SLC9A7: variants seen among roughly 807,000 people sequenced by gnomAD.
SLC9A7 encodes solute carrier family 9 member A7.
SLC9A7 carries 19 observed loss-of-function variants against 52.6 expected under a neutral mutation model. The observed-to-expected ratio is 0.36, with a 90% CI of 0.25 to 0.53. SLC9A7 has a LOEUF of 0.53. SLC9A7 is among the 20% of genes least tolerant of loss of function. SLC9A7 has a pLI of 0.91. For missense variants in SLC9A7, 455 were observed against 597.9 expected, an observed-to-expected ratio of 0.76 and a Z score of 2.49; for synonymous variants, 226 against 252.1, an observed-to-expected ratio of 0.90 and a Z score of 0.98.
chrX:46,619,394 C>T (rs1329339365), intron 15 of SLC9A7, among the ~76,000 whole-genome samples: 3 of 111,436 alleles, frequency 2.7e-5, no homozygotes, highest in African/African-American at 9.8e-5. Context: ...AGCAATGTTA[C>T]TCCTGGGTAG....
intron 1 of SLC9A7, among the ~76,000 whole-genome samples, chrX:46,741,980 C>T (rs1921385361): frequency 4.5e-5 from 5 of 111,429 alleles, no homozygotes; most frequent in Admixed American, 3.8e-4. Flanking sequence ...GGGCAAAAGA[C>T]TCAGTCATTT....
chrX:46,621,030 C>T lies in SLC9A7; in HGVS notation c.1770G>A (p.Arg590=). ...ATATCCATGCGCTCTCCTGTTTTGTCCGGTTTCCTCTGGCAGAATCTGGGC... is the reference window on the plus strand; with the variant it reads ...ATATCCATGCGCTCTCCTGTTTTGTTCGGTTTCCTCTGGCAGAATCTGGGC... The part of the protein sequence containing the change: ...GDGPDSARGN[R]TKQESAWIFR... Residue 590 remains arginine (R), a synonymous_variant, in exon 15 of 17, where the codon CGG becomes CGA. Transcript: ENST00000616978. 1 of 1,206,777 alleles carries T rather than the reference C, an allele frequency of 8.3e-7. No individual in the cohort carries two copies.
chrX:46,712,820 G>A (rs1158629458), intron 1 of SLC9A7, among the ~76,000 whole-genome samples: 2 of 112,034 alleles, frequency 1.8e-5, no homozygotes, highest in African/African-American at 6.5e-5. Flanking sequence ...AGTCACATCT[G>A]GGGAAATGTT....
intron 1 of SLC9A7, among the ~76,000 whole-genome samples, chrX:46,696,573 A>C (rs1028080617): frequency 3.6e-5 from 4 of 111,699 alleles, no homozygotes; most frequent in Admixed American, 9.5e-5. Context: ...ATTTATTTAT[A>C]TATTGATGAA....
intron 1 of SLC9A7, among the ~76,000 whole-genome samples, chrX:46,724,523 TATAA>T (rs1245949280): frequency 8.9e-6 from 1 of 112,270 alleles, no homozygotes; most frequent in East Asian, 2.8e-4. Context: ...ATTTATTGAG[TATAA>T]ATAAATGTCC....
chrX:46,672,794 C>A (rs757795047), intron 3 of SLC9A7, among the ~76,000 whole-genome samples, 167 bp from the exon 4 acceptor site: 6 of 112,363 alleles, frequency 5.3e-5, no homozygotes, highest in Non-Finnish European at 1.1e-4. Context: ...CCTTAGACAT[C>A]ATGGTTTTAA....
chrX:46,744,108 C>T (rs1407304825), intron 1 of SLC9A7, among the ~76,000 whole-genome samples: 1 of 112,628 alleles, frequency 8.9e-6, no homozygotes, highest in Non-Finnish European at 1.9e-5. Flanking sequence ...CCACGGTTAC[C>T]TCTTGACCAA....
At chrX:46,708,207 C>T (rs1944633688) in intron 1 of SLC9A7, among the ~76,000 whole-genome samples, 1 of 111,589 alleles carries the variant, frequency 9.0e-6, no homozygotes, top group Non-Finnish European at 1.9e-5. Flanking sequence ...GTGGAAATAA[C>T]AAATAGGGAC....
At chrX:46,627,778 T>TGGGGG (rs11362478) in intron 14 of SLC9A7, among the ~76,000 whole-genome samples, 1 of 63,110 alleles carries the variant, frequency 1.6e-5, no homozygotes, top group Non-Finnish European at 3.0e-5. Flanking sequence ...ATGGGCGGGT[T>TGGGGG]GGGGGGGGGG....
At position 46,758,687 on chromosome X, in the gene SLC9A7, T is replaced by TGTG; in HGVS notation, c.325+17_325+18insCAC. On this transcript the variant is annotated intron_variant, in intron 1 of 16. Coordinates refer to ENST00000616978, the MANE Select transcript of SLC9A7 (RefSeq NM_001257291.2). ...GCCGAGGGGTGTGGAGGGCGGGGGG[T>TGTG]GTAACAGGGGTGCTCACCATAGATC... 1 of 1,077,243 alleles carries TGTG rather than the reference T, an allele frequency of 9.3e-7. No individual in the cohort carries two copies. Among genetic ancestry groups the TGTG allele is most frequent in the Non-Finnish European group, 1.2e-6 (1 of 815,879 alleles). 88.8% of individuals were successfully genotyped at this position (1,077,243 alleles called of 1,213,427 possible). A position where few individuals can be genotyped will look rare whatever the true frequency, so the allele number is the denominator to read the frequency against.
At chrX:46,755,166 G>A (rs964927763) in intron 1 of SLC9A7, among the ~76,000 whole-genome samples, 8 of 112,231 alleles carry the variant, frequency 7.1e-5, no homozygotes, top group African/African-American at 9.7e-5. Flanking sequence ...CTGTTTAAAC[G>A]TTAAGCATTC....
chrX:46,678,636 T>C (rs1253142884), intron 3 of SLC9A7, among the ~76,000 whole-genome samples: 3 of 109,421 alleles, frequency 2.7e-5, no homozygotes, highest in Non-Finnish European at 5.7e-5. Context: ...AGGGTCTTGC[T>C]ATGTTGCCCA....
chrX:46,627,937 T>G (rs1411474239), intron 14 of SLC9A7, among the ~76,000 whole-genome samples: 1 of 111,624 alleles, frequency 9.0e-6, no homozygotes, highest in East Asian at 2.8e-4. Context: ...AAACAAATGA[T>G]TCTAACTTGC....
chrX:46,601,409 A>G lies in SLC9A7; in HGVS notation c.*5543T>C, dbSNP rs773479223. ...GAGATAGGATGATGGGATGACGTCA[A>G]ACAGACCAACAGACCTCTATTTTGG... is the stretch of plus-strand genomic sequence containing the variant. On this transcript the variant is annotated 3_prime_UTR_variant, in exon 17 of 17. Coordinates refer to ENST00000616978, the MANE Select transcript of SLC9A7 (RefSeq NM_001257291.2). The G allele has an allele frequency of 8.9e-6, 1 of 112,706 alleles. No individual in the cohort carries two copies. Among genetic ancestry groups the G allele is most frequent in the East Asian group, 2.8e-4 (1 of 3,602 alleles). 9.3% of individuals were successfully genotyped at this position (112,706 alleles called of 1,213,427 possible).
Position 46,603,880 on chromosome X carries a change from C to A in SLC9A7, c.*3072G>T, listed in dbSNP as rs1409551644. The A allele has an allele frequency of 1.8e-5, 2 of 111,704 alleles. No individual in the cohort carries two copies. The highest frequency in any genetic ancestry group is 6.5e-5 in the African/African-American group (2 of 30,688). 9.2% of individuals were successfully genotyped at this position (111,704 alleles called of 1,213,427 possible). A position where few individuals can be genotyped will look rare whatever the true frequency, so the allele number is the denominator to read the frequency against. On this transcript the variant is annotated 3_prime_UTR_variant, in exon 17 of 17. Transcript: ENST00000616978. The stretch of plus-strand genomic sequence containing the variant: ...AAACAAAAAACAAACAACAACAACA[C>A]AACAACAAAGCCTTGAGGTGAACAA...
intron 1 of SLC9A7, among the ~76,000 whole-genome samples, chrX:46,714,853 G>A (rs1311059896): frequency 8.9e-6 from 1 of 111,769 alleles, no homozygotes; most frequent in Non-Finnish European, 1.9e-5. Flanking sequence ...GTAGAGGATT[G>A]TGAGTTTAGA....
chrX:46,688,297 A>G (rs921540746), intron 1 of SLC9A7, among the ~76,000 whole-genome samples: 3 of 111,703 alleles, frequency 2.7e-5, no homozygotes, highest in Admixed American at 9.6e-5. Context: ...CCAGCAACAC[A>G]TGAGAGTTAC....
intron 7 of SLC9A7, among the ~76,000 whole-genome samples, chrX:46,657,124 GCTTCATAAGTGAAGGGGAAATAAAATA>G (rs1163265330): frequency 1.8e-5 from 2 of 109,364 alleles, no homozygotes; most frequent in Non-Finnish European, 3.8e-5. Context: ...GCCAAACTAA[GCTTCATAAGTGAAGGGGAAATAAAATA>G]CTTTATAGAC....
At chrX:46,648,546 T>G in intron 11 of SLC9A7, 140 bp downstream of exon 11, 1 of 473,457 alleles carries the variant, frequency 2.1e-6, no homozygotes, top group Non-Finnish European at 3.6e-6. Context: ...TGTACATCTG[T>G]CTATTTCTCA....
Sources: allele counts gnomAD v4.1 joint callset (sites outside exome capture counted in the v4.1 genomes callset), GRCh38; gene constraint gnomAD v4.1.1; transcripts MANE v1.5; gene names NCBI Gene and HGNC (gene_info 2026-07-23, HGNC 2026-07-21).